Variants in TBC1D22A observed in about 807,000 individuals in gnomAD.
TBC1D22A encodes the protein TBC1 domain family member 22A, also known as putative GTPase activator.
In TBC1D22A, 38 loss-of-function variants were observed where a neutral mutation model predicts 60.2. The ratio of observed to expected loss-of-function variants is 0.63; its 90% confidence interval spans 0.49 to 0.83. The LOEUF is 0.83. Among genes scored for constraint, TBC1D22A ranks in the 40% least tolerant of loss-of-function variants. The pLI, the probability that TBC1D22A is intolerant of heterozygous loss-of-function variation, is 0.00. For missense variants in TBC1D22A, 628 were observed against 701.0 expected (o/e 0.90, Z 1.18); for synonymous variants, 302 against 281.7 (o/e 1.07, Z -0.72).
intron 5 of TBC1D22A, among the ~76,000 whole-genome samples, chr22:46,881,943 C>T (rs2067872628): frequency 6.6e-6 from 1 of 152,180 alleles, no homozygotes; most frequent in African/African-American, 2.4e-5. Context: ...GTCACCCATC[C>T]CTGAGTCAGC....
At chr22:46,811,136 G>T (rs2085359664) in intron 4 of TBC1D22A, among the ~76,000 whole-genome samples, 1 of 152,218 alleles carries the variant, frequency 6.6e-6, no homozygotes, top group South Asian at 2.1e-4. Flanking sequence ...GATATTTGAT[G>T]AGCTTGTTTC....
At chr22:47,154,551 G>A (rs970227567) in intron 12 of TBC1D22A, among the ~76,000 whole-genome samples, 6 of 152,286 alleles carry the variant, frequency 3.9e-5, no homozygotes, top group South Asian at 2.1e-4. Context: ...ACCCGACAGC[G>A]TGCCAGGCTG....
intron 8 of TBC1D22A, among the ~76,000 whole-genome samples, chr22:46,930,764 T>G (rs1228323270): frequency 6.6e-6 from 1 of 151,990 alleles, no homozygotes; most frequent in Non-Finnish European, 1.5e-5. Flanking sequence ...CGCCCAGCCT[T>G]TCCTTGATTT....
chr22:46,936,316 C>A (rs1246446281), intron 8 of TBC1D22A, among the ~76,000 whole-genome samples: 1 of 151,900 alleles, frequency 6.6e-6, no homozygotes, highest in African/African-American at 2.4e-5. Context: ...GGCCAGGCTC[C>A]TCGCAGTTCT....
At chr22:46,979,875 C>T (rs922053325) in intron 9 of TBC1D22A, among the ~76,000 whole-genome samples, 6 of 152,092 alleles carry the variant, frequency 3.9e-5, no homozygotes, top group African/African-American at 1.2e-4. Flanking sequence ...TAGGGACCCC[C>T]AGGAGTTGGC....
Position 46,840,140 on chromosome 22 carries a change from T to C in TBC1D22A, c.638-38513T>C, listed in dbSNP as rs183930302. On this transcript the variant is annotated intron_variant, in intron 4 of 12. Coordinates refer to ENST00000337137, the MANE Select transcript of TBC1D22A (RefSeq NM_014346.5). ...AGCTTCTGCACAGCAAAGGAAATAATCATCAGAGTGAAGAGACAACCTATG... is the reference window on the plus strand; with the variant it reads ...AGCTTCTGCACAGCAAAGGAAATAACCATCAGAGTGAAGAGACAACCTATG... 6.5e-4 allele frequency among the ~76,000 whole-genome samples: 99 copies of C among 152,266 alleles called. 1 individual carries two copies. The highest frequency in any genetic ancestry group is 8.8e-5 in the Non-Finnish European group (6 of 68,018).
At chr22:47,163,120 C>T (rs1281167066) in intron 12 of TBC1D22A, among the ~76,000 whole-genome samples, 2 of 152,200 alleles carry the variant, frequency 1.3e-5, no homozygotes, top group Non-Finnish European at 2.9e-5. Flanking sequence ...GCAGGTTTGC[C>T]TCCCCTGTGG....
At chr22:47,130,361 T>G (rs2066637761) in intron 12 of TBC1D22A, among the ~76,000 whole-genome samples, 2 of 151,906 alleles carry the variant, frequency 1.3e-5, no homozygotes, top group Non-Finnish European at 2.9e-5. Context: ...CAAACCCACG[T>G]TTGCCTCACT....
intron 4 of TBC1D22A, among the ~76,000 whole-genome samples, chr22:46,845,207 C>T (rs1343444642): frequency 2.6e-5 from 4 of 152,212 alleles, no homozygotes; most frequent in Non-Finnish European, 5.9e-5. Context: ...GATAAATACC[C>T]AACTTTCTCT....
At chr22:46,782,227 G>C (rs1195315510) in intron 1 of TBC1D22A, among the ~76,000 whole-genome samples, 1 of 152,208 alleles carries the variant, frequency 6.6e-6, no homozygotes, top group Non-Finnish European at 1.5e-5. Flanking sequence ...GCTAATTCTT[G>C]TATTTTTAGT....
intron 4 of TBC1D22A, among the ~76,000 whole-genome samples, chr22:46,818,568 T>C (rs1265874802): frequency 6.6e-6 from 1 of 152,170 alleles, no homozygotes; most frequent in Non-Finnish European, 1.5e-5. Flanking sequence ...GCTGTAAGTA[T>C]GTGGTGTTAC....
intron 9 of TBC1D22A, among the ~76,000 whole-genome samples, chr22:46,980,286 G>A (rs963010792): frequency 3.9e-5 from 6 of 152,206 alleles, no homozygotes; most frequent in African/African-American, 1.4e-4. Flanking sequence ...GGGTTCAAGT[G>A]ATTCTCCTGT....
chr22:47,029,975 C>T (rs1356954175), intron 10 of TBC1D22A, among the ~76,000 whole-genome samples: 1 of 152,216 alleles, frequency 6.6e-6, no homozygotes, highest in Non-Finnish European at 1.5e-5. Flanking sequence ...GGCTGGTGAG[C>T]GTGACTGGAC....
intron 11 of TBC1D22A, among the ~76,000 whole-genome samples, chr22:47,081,834 T>C (rs763529077): frequency 3.9e-5 from 6 of 152,186 alleles, no homozygotes; most frequent in Non-Finnish European, 7.3e-5. Context: ...ATACCATGTT[T>C]TATGAGTACA....
At chr22:47,169,244 A>C (rs1370321122) in intron 12 of TBC1D22A, among the ~76,000 whole-genome samples, 1 of 151,830 alleles carries the variant, frequency 6.6e-6, no homozygotes, top group Non-Finnish European at 1.5e-5. Context: ...GCCAACCCCC[A>C]CCCCCACCGG....
At chr22:46,951,264 T>C (rs2072886299) in intron 8 of TBC1D22A, among the ~76,000 whole-genome samples, 1 of 152,188 alleles carries the variant, frequency 6.6e-6, no homozygotes, top group Non-Finnish European at 1.5e-5. Context: ...TCTAATGGTA[T>C]TTATATTTAA....
At chr22:46,917,113 G>A (rs1213710354) in intron 8 of TBC1D22A, among the ~76,000 whole-genome samples, 1 of 152,212 alleles carries the variant, frequency 6.6e-6, no homozygotes, top group Non-Finnish European at 1.5e-5. Flanking sequence ...CACAGCCATT[G>A]GAGACGACAC....
rs149499645 is a variant in TBC1D22A at position 46,797,556 on chromosome 22, C to T, written c.573C>T (p.Ser191=). The part of the protein sequence containing the change: ...DPSTLSSSAL[S]EREASRLDKF... The stretch of plus-strand genomic sequence containing the variant: ...GCACTCTCAGCAGCTCAGCGCTGAG[C>T]GAAAGAGAGGCCTCCCGGCTCGACA... The change falls in exon 4 of 13, where the codon AGC becomes AGT. Residue 191 remains serine (S), a synonymous_variant. Transcript: ENST00000337137. The T allele has an allele frequency of 1.3e-5, 21 of 1,613,660 alleles. No homozygotes were observed. The highest frequency in any genetic ancestry group is 1.1e-4 in the East Asian group (5 of 44,880).
At chr22:47,023,580 G>T (rs2062157821) in intron 10 of TBC1D22A, among the ~76,000 whole-genome samples, 1 of 152,116 alleles carries the variant, frequency 6.6e-6, no homozygotes, top group South Asian at 2.1e-4. Context: ...CTAATATAAA[G>T]AAAACATCAG....
Sources: allele counts gnomAD v4.1 joint callset (sites outside exome capture counted in the v4.1 genomes callset), GRCh38; gene constraint gnomAD v4.1.1; transcripts MANE v1.5; gene names NCBI Gene and HGNC (gene_info 2026-07-23, HGNC 2026-07-21).